Variants in RP1 observed in about 807,000 individuals in gnomAD.
The protein encoded by RP1 is RP1 axonemal microtubule associated.
Under a neutral mutation model 14.8 loss-of-function variants are expected in RP1, and 16 were observed. That is an observed-to-expected ratio of 1.08 (90% CI 0.73 to 1.65). The LOEUF is 1.65. Among genes scored for constraint, RP1 ranks in the 40% most tolerant of loss-of-function variants. The probability of loss-of-function intolerance (pLI) is 0.00; values close to 1 mark genes in which losing one functional copy is unlikely to be tolerated. For missense variants in RP1, 2,631 were observed against 2,535.0 expected, an observed-to-expected ratio of 1.04 and a Z score of -0.81; for synonymous variants, 876 against 883.6, an observed-to-expected ratio of 0.99 and a Z score of 0.15.
rs1364825857 is a variant in RP1, at chr8:54,628,661, C to G, written c.4779C>G (p.Asp1593Glu). Residue 1593 changes from aspartate to glutamate, a missense_variant, in exon 4 of 4, where the codon GAC becomes GAG. By Grantham distance (45) the Asp-to-Glu change is conservative (BLOSUM62 2). Coordinates refer to ENST00000220676, the MANE Select transcript of RP1 (RefSeq NM_006269.2). ...GTCCAGTGACTTCTGATTGGTCAGACTATCGGCCTGACAGTGACAGTGAGC... is the reference window on the plus strand; with the variant it reads ...GTCCAGTGACTTCTGATTGGTCAGAGTATCGGCCTGACAGTGACAGTGAGC... ...IKSPVTSDWS[D>E]YRPDSDSEQP... 62 of 1,614,062 alleles carry G rather than the reference C, an allele frequency of 3.8e-5. No individual in the cohort carries two copies. Among genetic ancestry groups the G allele is most frequent in the Non-Finnish European group, 5.3e-5 (62 of 1,179,956 alleles).
At chr8:54,801,034 T>G (rs1051892018) in intron 24 of RP1, among the ~76,000 whole-genome samples, 1 of 152,212 alleles carries the variant, frequency 6.6e-6, no homozygotes, top group Non-Finnish European at 1.5e-5. Context: ...TGGAGGAATT[T>G]GTACTAATGT....
At chr8:54,661,500 A>G (rs1282828246) in intron 6 of RP1, among the ~76,000 whole-genome samples, 5 of 151,814 alleles carry the variant, frequency 3.3e-5, no homozygotes, top group Non-Finnish European at 4.4e-5. Flanking sequence ...AAATCTTTAG[A>G]TTCTTTAGAA....
At chr8:54,679,388 T>C in intron 9 of RP1, 1 of 1,517,328 alleles carries the variant, frequency 6.6e-7, no homozygotes, top group Non-Finnish European at 8.8e-7. Flanking sequence ...ATATAAAGTC[T>C]GAAAATAATC....
chr8:54,697,005 C>A lies in RP1; in HGVS notation c.1718-2462C>A, dbSNP rs144508433. ...CCAGGGAATCATTTCCAGGAGATCT[C>A]ATGGTTCTTGCACCCTTTCCACCTT... On this transcript the variant is annotated intron_variant, in intron 12 of 22. Coordinates refer to the RP1 transcript ENST00000636932. The A allele has an allele frequency of 1.3e-3, 1,899 of 1,427,520 alleles. 12 individuals carry two copies. Among genetic ancestry groups the A allele is most frequent in the Middle Eastern group, 0.01 (41 of 4,058 alleles). 88.4% of individuals were successfully genotyped at this position (1,427,520 alleles called of 1,614,324 possible). A position where few individuals can be genotyped will look rare whatever the true frequency, so the allele number is the denominator to read the frequency against.
intron 24 of RP1, among the ~76,000 whole-genome samples, chr8:54,801,672 G>T (rs928139063): frequency 2.0e-5 from 3 of 152,078 alleles, no homozygotes; most frequent in Admixed American, 1.3e-4. Context: ...GGTTCTTGGA[G>T]GAAAAGTCTG....
In RP1 at chr8:54,625,557, G is replaced by A. The variant is rs772895155; in HGVS notation, c.1675G>A (p.Glu559Lys). The A allele has an allele frequency of 6.2e-7, 1 of 1,614,070 alleles. No homozygotes were observed. Among genetic ancestry groups the A allele is most frequent in the Non-Finnish European group, 8.5e-7 (1 of 1,179,998 alleles). ...VIEITSQKMLEMSHNNGLPST... is the reference protein window; with the variant it reads ...VIEITSQKMLKMSHNNGLPST... ...AGAAATTACAAGTCAGAAGATGTTA[G>A]AGATGTCACATAATAATGGTTTGCC... is the stretch of plus-strand genomic sequence containing the variant. The change falls in exon 4 of 4, where the codon GAG becomes AAG. Residue 559 changes from glutamate to lysine, a missense_variant. Transcript: ENST00000220676.
At chr8:54,750,316 A>T (rs1219501431) in intron 19 of RP1, among the ~76,000 whole-genome samples, 1 of 152,238 alleles carries the variant, frequency 6.6e-6, no homozygotes, top group Non-Finnish European at 1.5e-5. Context: ...AGATATTATC[A>T]TAATCCTAAT....
intron 24 of RP1, among the ~76,000 whole-genome samples, chr8:54,789,177 G>T (rs560910593): frequency 8.0e-4 from 121 of 152,196 alleles, no homozygotes; most frequent in Admixed American, 7.8e-3. Flanking sequence ...CTTGGCGATA[G>T]CACTGCATCC....
intron 20 of RP1, among the ~76,000 whole-genome samples, chr8:54,755,365 T>G (rs1331842355): frequency 6.6e-6 from 1 of 152,186 alleles, no homozygotes; most frequent in Non-Finnish European, 1.5e-5. Context: ...AGAACAACCT[T>G]ATAAAAAATC....
chr8:54,813,999 T>C (rs1252229755), intron 24 of RP1, among the ~76,000 whole-genome samples: 1 of 152,198 alleles, frequency 6.6e-6, no homozygotes, highest in Non-Finnish European at 1.5e-5. Context: ...TGTCCTCTTT[T>C]GTAAATAGGG....
chr8:54,664,663 T>G (rs141234549), intron 7 of RP1, among the ~76,000 whole-genome samples: 199 of 152,294 alleles, frequency 1.3e-3, no homozygotes, highest in African/African-American at 4.6e-3. Flanking sequence ...TTCATATGCT[T>G]ATTGGCCACT....
intron 27 of RP1, among the ~76,000 whole-genome samples, chr8:54,860,011 A>G (rs1812306370): frequency 6.6e-6 from 1 of 152,232 alleles, no homozygotes; most frequent in African/African-American, 2.4e-5. Context: ...GAGGTGCTGT[A>G]GAGAAAACTG....
intron 24 of RP1, among the ~76,000 whole-genome samples, chr8:54,836,147 G>A (rs1416485566): frequency 6.6e-6 from 1 of 152,178 alleles, no homozygotes; most frequent in East Asian, 1.9e-4. Flanking sequence ...GAAAAAGGTA[G>A]CAGGTCTGGA....
chr8:54,595,425 G>A (rs1315167975), intron 1 of RP1, among the ~76,000 whole-genome samples: 1 of 152,106 alleles, frequency 6.6e-6, no homozygotes, highest in Non-Finnish European at 1.5e-5. Context: ...CACCACGCCT[G>A]GCCCCCTCCA....
chr8:54,583,008 T>C (rs1349220238), intron 1 of RP1, among the ~76,000 whole-genome samples: 1 of 152,186 alleles, frequency 6.6e-6, no homozygotes, highest in African/African-American at 2.4e-5. Flanking sequence ...TCCTGCCTGA[T>C]TGCCCTGGCC....
At chr8:54,701,690 A>G (rs918993297) in intron 14 of RP1, 1 of 1,524,968 alleles carries the variant, frequency 6.6e-7, no homozygotes, top group Non-Finnish European at 8.8e-7. Context: ...ATTAAAGTTT[A>G]TATTGCTAAA....
At chr8:54,837,643 T>C (rs1811692819) in exon 25 of RP1, 3 of 1,231,796 alleles carry the variant, frequency 2.4e-6, no homozygotes, top group African/African-American at 1.6e-5. Context: ...ATACCCATCA[T>C]GGGACCAAAG....
intron 25 of RP1, among the ~76,000 whole-genome samples, chr8:54,838,325 A>T (rs1161167119): frequency 7.9e-5 from 12 of 152,132 alleles, no homozygotes; most frequent in African/African-American, 2.9e-4. Context: ...CTCTCTGTCC[A>T]TTCCTGGTAT....
chr8:54,726,265 A>AT, intron 16 of RP1: 2 of 1,403,752 alleles, frequency 1.4e-6, no homozygotes, highest in Non-Finnish European at 9.3e-7. Context: ...TTAAACTTGC[A>AT]TAGCTGAACA....
Sources: gnomAD v4.1 joint callset for allele counts (sites outside exome capture counted in the v4.1 genomes callset) on GRCh38, gnomAD v4.1.1 for gene constraint, MANE v1.5 for transcripts, NCBI Gene and HGNC (gene_info 2026-07-23, HGNC 2026-07-21) for gene names.